The following COL15A1 variants were observed in gnomAD, a reference collection of about 807,000 sequenced individuals.
The protein encoded by COL15A1 is collagen type XV alpha 1 chain, also known as collagen alpha-1(XV) chain.
Under a neutral mutation model 165.9 loss-of-function variants are expected in COL15A1, and 111 were observed. The observed-to-expected ratio is 0.67, with a 90% CI of 0.57 to 0.78. The LOEUF is 0.78. Ranked by LOEUF, COL15A1 falls within the 30% of genes least tolerant of loss-of-function variation. The pLI, the probability that COL15A1 is intolerant of heterozygous loss-of-function variation, is 0.00. For missense variants in COL15A1, 1,745 were observed against 1,789.7 expected (o/e 0.98, Z 0.45); for synonymous variants, 659 against 674.8 (o/e 0.98, Z 0.36).
intron 2 of COL15A1, among the ~76,000 whole-genome samples, chr9:98,973,676 C>A (rs1838097975): frequency 6.6e-6 from 1 of 152,226 alleles, no homozygotes. Context: ...GTGACATTTT[C>A]CTGAGCACAG....
intron 2 of COL15A1, among the ~76,000 whole-genome samples, chr9:98,947,953 C>G (rs10120729): frequency 0.024 from 3,697 of 152,296 alleles, 157 homozygotes; most frequent in African/African-American, 0.086. Flanking sequence ...AGATGAGTTG[C>G]TTTTCCCACT....
At chr9:98,974,938 G>C (rs1305713009) in intron 2 of COL15A1, among the ~76,000 whole-genome samples, 1 of 151,616 alleles carries the variant, frequency 6.6e-6, no homozygotes, top group African/African-American at 2.4e-5. Flanking sequence ...TCTAGGCCTG[G>C]CTTGGCCAAA....
At chr9:98,982,628 A>T (rs1838250592) in intron 2 of COL15A1, among the ~76,000 whole-genome samples, 1 of 151,518 alleles carries the variant, frequency 6.6e-6, no homozygotes, top group African/African-American at 2.4e-5. Context: ...GATGATGATG[A>T]TGATGATGGC....
rs61462449 is a variant in COL15A1 at position 99,003,846 on chromosome 9, G to A, written c.1200+259G>A. On this transcript the variant is annotated intron_variant, in intron 8 of 41. Coordinates refer to ENST00000375001, the MANE Select transcript of COL15A1 (RefSeq NM_001855.5). ...AGACGTGATTCCTGAAGACAGGGTG[G>A]TAAGAGGGGCTGTGGTCAGTGGTAG... Among the ~76,000 whole-genome samples, 16,697 of 152,268 alleles carry A rather than the reference G, an allele frequency of 0.11. 1,067 individuals are homozygous for A. The highest frequency in any genetic ancestry group is 0.26 in the East Asian group (1,333 of 5,178).
chr9:99,002,649 T>C (rs1011456187), intron 7 of COL15A1, among the ~76,000 whole-genome samples: 1 of 152,208 alleles, frequency 6.6e-6, no homozygotes, highest in African/African-American at 2.4e-5. Context: ...CATTTTAACA[T>C]CCTGGGACCT....
rs766312070 is a variant in COL15A1 at position 99,036,439 on chromosome 9, C to T, written c.2409+43C>T. The T allele has an allele frequency of 9.4e-6, 15 of 1,602,778 alleles. No individual in the cohort carries two copies. The Admixed American group carries it at 2.5e-4, about 27-fold the overall frequency. Reference sequence around the variant, plus strand: ...CAGAGCTTGTCTACATATTTTCCACCTTTGCCAAAGGGAGGAGAAGGTTGT... The same window carrying T: ...CAGAGCTTGTCTACATATTTTCCACTTTTGCCAAAGGGAGGAGAAGGTTGT... On this transcript the variant is annotated intron_variant, in intron 21 of 41. Transcript: ENST00000375001.
Position 99,034,998 on chromosome 9 carries a change from G to T in COL15A1, c.2080-16G>T. On this transcript the variant is annotated splice_polypyrimidine_tract_variant and intron_variant, in intron 17 of 41. Coordinates refer to ENST00000375001, the MANE Select transcript of COL15A1 (RefSeq NM_001855.5). Reference sequence around the variant, plus strand: ...GAACCCAGGGCTAGATAATCAGCCTGCCCTCTTTCCTACAGGGTGACCCTG... The same window carrying T: ...GAACCCAGGGCTAGATAATCAGCCTTCCCTCTTTCCTACAGGGTGACCCTG... The T allele has an allele frequency of 6.2e-7, 1 of 1,609,716 alleles. No individual in the cohort carries two copies. Among genetic ancestry groups the T allele is most frequent in the Non-Finnish European group, 8.5e-7 (1 of 1,176,246 alleles).
intron 16 of COL15A1, among the ~76,000 whole-genome samples, chr9:99,028,749 C>T (rs1410961484): frequency 6.6e-6 from 1 of 152,130 alleles, no homozygotes; most frequent in Non-Finnish European, 1.5e-5. Flanking sequence ...ATACACTGCT[C>T]AGGTGATGGG....
chr9:98,998,782 C>T (rs896170031), intron 6 of COL15A1, among the ~76,000 whole-genome samples: 1 of 152,154 alleles, frequency 6.6e-6, no homozygotes, highest in Non-Finnish European at 1.5e-5. Flanking sequence ...CAACGCAGCT[C>T]GCCTGTTCCC....
intron 2 of COL15A1, among the ~76,000 whole-genome samples, chr9:98,972,981 C>T (rs1468635594): frequency 6.6e-6 from 1 of 152,340 alleles, no homozygotes; most frequent in South Asian, 2.1e-4. Context: ...TGGGGCTTGA[C>T]TCCCTACTCT....
intron 5 of COL15A1, among the ~76,000 whole-genome samples, chr9:98,992,161 G>A (rs1319923719): frequency 6.6e-6 from 1 of 152,274 alleles, no homozygotes; most frequent in East Asian, 1.9e-4. Flanking sequence ...AGAGCAGGGG[G>A]CGGTCCCCGT....
At chr9:99,016,269 C>A in intron 11 of COL15A1, 150 bp downstream of exon 11, 1 of 950,642 alleles carries the variant, frequency 1.1e-6, no homozygotes, top group South Asian at 1.9e-5. Flanking sequence ...GGAGCTTTAA[C>A]CTGAGGAAAG....
At position 99,056,243 on chromosome 9, in the gene COL15A1, T is replaced by G; in HGVS notation, c.3193-17T>G. The G allele has an allele frequency of 6.2e-7, 1 of 1,613,486 alleles. No homozygotes were observed. The highest frequency in any genetic ancestry group is 1.1e-5 in the South Asian group (1 of 91,072). ...GAATGATGCTTTCTCTCTGTTATTG[T>G]GTGCTTGCCTTGACAGGGCCAAAAA... On this transcript the variant is annotated splice_polypyrimidine_tract_variant and intron_variant, in intron 34 of 41. Coordinates refer to ENST00000375001, the MANE Select transcript of COL15A1 (RefSeq NM_001855.5).
intron 21 of COL15A1, 82 bp downstream of exon 21, chr9:99,036,478 G>C: frequency 1.4e-6 from 2 of 1,471,894 alleles, no homozygotes; most frequent in South Asian, 1.2e-5. Flanking sequence ...TGACTTCAAA[G>C]CTTCTGGCTA....
intron 23 of COL15A1, 105 bp downstream of exon 23, chr9:99,040,661 A>C: frequency 6.3e-7 from 1 of 1,587,306 alleles, no homozygotes; most frequent in Non-Finnish European, 8.6e-7. Flanking sequence ...ACTGAGCTCC[A>C]GGGGCATCTT....
Position 98,987,377 on chromosome 9 carries a change from C to T in COL15A1, c.723+9C>T, listed in dbSNP as rs1259173671. On this transcript the variant is annotated intron_variant, in intron 4 of 41. Transcript: ENST00000375001. The stretch of plus-strand genomic sequence containing the variant: ...ACCCTGAAGAGTCCTCGGTGAGCTC[C>T]CCTACTATCCCACAGTGGGCCCTGC... 1 of 1,605,714 alleles carries T rather than the reference C, an allele frequency of 6.2e-7. No individual in the cohort carries two copies. The highest frequency in any genetic ancestry group is 2.3e-5 in the East Asian group (1 of 43,886).
intron 9 of COL15A1, among the ~76,000 whole-genome samples, chr9:99,013,261 C>A (rs1838874934): frequency 6.6e-6 from 1 of 152,088 alleles, no homozygotes; most frequent in Admixed American, 6.5e-5. Context: ...TGGGGGTTCC[C>A]TGTAGGGTTG....
intron 16 of COL15A1, among the ~76,000 whole-genome samples, chr9:99,033,217 A>G (rs891757030): frequency 2.0e-5 from 3 of 152,222 alleles, no homozygotes; most frequent in Non-Finnish European, 4.4e-5. Flanking sequence ...TGGAAGGAAT[A>G]AGATGTGCCA....
At position 99,059,884 on chromosome 9, in the gene COL15A1, C is replaced by T; in HGVS notation, c.3338-5C>T. The T allele has an allele frequency of 6.2e-7, 1 of 1,613,238 alleles. No homozygotes were observed. ...GTGTAACTTCTCTTTTCTGTTTTGTCTTAGCTGTGGCCCTTCCAGGTCCCC... is the reference window on the plus strand; with the variant it reads ...GTGTAACTTCTCTTTTCTGTTTTGTTTTAGCTGTGGCCCTTCCAGGTCCCC... On this transcript the variant is annotated splice_region_variant and splice_polypyrimidine_tract_variant and intron_variant, in intron 35 of 41. Transcript: ENST00000375001.
Sources: allele counts gnomAD v4.1 joint callset (sites outside exome capture counted in the v4.1 genomes callset), GRCh38; gene constraint gnomAD v4.1.1; transcripts MANE v1.5; gene names NCBI Gene and HGNC (gene_info 2026-07-23, HGNC 2026-07-21).